Variants in SLC2A13 observed in about 807,000 individuals in gnomAD.
SLC2A13 encodes solute carrier family 2 member 13.
A neutral mutation model predicts 64.4 loss-of-function variants in SLC2A13; 32 were observed. The observed-to-expected ratio is 0.50, with a 90% CI of 0.37 to 0.67. SLC2A13 has a LOEUF of 0.67. SLC2A13 is among the 30% of genes least tolerant of loss of function. The pLI, the probability that SLC2A13 is intolerant of heterozygous loss-of-function variation, is 0.00. For missense variants in SLC2A13, 743 were observed against 829.2 expected, an observed-to-expected ratio of 0.90 and a Z score of 1.28; for synonymous variants, 338 against 327.1, an observed-to-expected ratio of 1.03 and a Z score of -0.36.
In SLC2A13 at chr12:39,951,383, G is replaced by GAAAGA. The variant is rs1946226960; in HGVS notation, c.926-19_926-18insTCTTT. 28 of 1,372,596 alleles carry GAAAGA rather than the reference G, an allele frequency of 2.0e-5. No individual in the cohort carries two copies. The highest frequency in any genetic ancestry group is 2.8e-5 in the Non-Finnish European group (28 of 1,013,594). The allele number at this position is 1,372,596 out of a possible 1,614,324, so 85.0% of individuals were successfully genotyped here. A position where few individuals can be genotyped will look rare whatever the true frequency, so the allele number is the denominator to read the frequency against. On this transcript the variant is annotated intron_variant, in intron 3 of 9. Coordinates refer to ENST00000280871, the MANE Select transcript of SLC2A13 (RefSeq NM_052885.4). ...AGGTCCAGCTTTTTTAAGAAAGAAA[G>GAAAGA]AAAAAAAAAATACAACTATTATTTT...
intron 7 of SLC2A13, among the ~76,000 whole-genome samples, chr12:39,789,833 T>C (rs1032445376): frequency 1.3e-5 from 2 of 152,184 alleles, no homozygotes; most frequent in Non-Finnish European, 2.9e-5. Flanking sequence ...GCCATTTGGG[T>C]ATCTGCTTTT....
At chr12:39,776,217 G>T (rs1036894905) in intron 7 of SLC2A13, among the ~76,000 whole-genome samples, 1 of 152,094 alleles carries the variant, frequency 6.6e-6, no homozygotes, top group African/African-American at 2.4e-5. Context: ...CCATTGTGCG[G>T]TTCCTTCATA....
chr12:40,051,458 T>C (rs1000027485), intron 1 of SLC2A13, among the ~76,000 whole-genome samples: 3 of 152,196 alleles, frequency 2.0e-5, no homozygotes, highest in East Asian at 3.9e-4. Context: ...ACTTTGGAGA[T>C]AGTGCTGTAG....
intron 7 of SLC2A13, among the ~76,000 whole-genome samples, chr12:39,793,002 G>A (rs1266418931): frequency 1.3e-5 from 2 of 151,988 alleles, no homozygotes; most frequent in African/African-American, 4.8e-5. Flanking sequence ...TCTATGACTG[G>A]TTAACAAAAT....
chr12:39,889,427 T>A (rs567178708), intron 4 of SLC2A13, among the ~76,000 whole-genome samples: 14 of 152,188 alleles, frequency 9.2e-5, no homozygotes, highest in Admixed American at 8.5e-4. Context: ...TACCCTATAT[T>A]TTACAACTGC....
In SLC2A13 at chr12:40,031,464, G is replaced by A. The variant is rs1187219885; in HGVS notation, c.717-2955C>T. The stretch of plus-strand genomic sequence containing the variant: ...TCTCAAACTCCTGATCTTGTGATCC[G>A]CCCACCTTGGCCTCCCAAAGTGCTG... On this transcript the variant is annotated intron_variant, in intron 2 of 9. Transcript: ENST00000280871. Among the ~76,000 whole-genome samples the A allele has an allele frequency of 2.0e-5, 3 of 152,186 alleles. No homozygotes were observed. The East Asian group carries it at 5.8e-4, about 29-fold the overall frequency.
chr12:40,024,891 C>G (rs1050581135), intron 3 of SLC2A13, among the ~76,000 whole-genome samples: 1 of 152,142 alleles, frequency 6.6e-6, no homozygotes. Context: ...GCAACTCTCC[C>G]GAGATTCATT....
At chr12:39,984,261 A>G (rs1280497814) in intron 3 of SLC2A13, among the ~76,000 whole-genome samples, 1 of 152,070 alleles carries the variant, frequency 6.6e-6, no homozygotes, top group African/African-American at 2.4e-5. Flanking sequence ...GTGCACCAGC[A>G]CAGCACATGT....
chr12:39,872,090 G>A (rs895047249), intron 4 of SLC2A13, 129 bp from the exon 5 acceptor site: 9 of 664,816 alleles, frequency 1.4e-5, no homozygotes, highest in Admixed American at 8.3e-5. Flanking sequence ...TCAAATTAAC[G>A]TGGGAATTCA....
chr12:39,906,410 T>C (rs1945283425), intron 4 of SLC2A13, among the ~76,000 whole-genome samples: 1 of 152,156 alleles, frequency 6.6e-6, no homozygotes, highest in Admixed American at 6.6e-5. Flanking sequence ...CATGCATACC[T>C]ACACACAATA....
At chr12:39,945,545 T>C (rs1946118390) in intron 4 of SLC2A13, among the ~76,000 whole-genome samples, 1 of 152,220 alleles carries the variant, frequency 6.6e-6, no homozygotes, top group African/African-American at 2.4e-5. Context: ...TTTGTTCATA[T>C]TTTCTTATTT....
At chr12:39,827,023 C>T (rs889705206) in intron 7 of SLC2A13, among the ~76,000 whole-genome samples, 2 of 147,158 alleles carry the variant, frequency 1.4e-5, no homozygotes, top group African/African-American at 5.0e-5. Context: ...AATGGTAAAA[C>T]CGCAGTTAAC....
At chr12:39,835,069 TTTAAATACA>T (rs1231532100) in intron 6 of SLC2A13, among the ~76,000 whole-genome samples, 2 of 152,102 alleles carry the variant, frequency 1.3e-5, no homozygotes, top group African/African-American at 4.8e-5. Flanking sequence ...AAACTGAGAA[TTTAAATACA>T]TTGGCACAAA....
chr12:39,866,383 A>G (rs1161791147), intron 5 of SLC2A13, among the ~76,000 whole-genome samples: 1 of 152,234 alleles, frequency 6.6e-6, no homozygotes, highest in Admixed American at 6.5e-5. Context: ...AAAGGACACA[A>G]CCTTTCCATA....
chr12:39,766,715 T>C (rs1355885343), intron 7 of SLC2A13, among the ~76,000 whole-genome samples: 1 of 152,142 alleles, frequency 6.6e-6, no homozygotes, highest in East Asian at 1.9e-4. Flanking sequence ...AATCCTTTGA[T>C]ATCATTTCAA....
chr12:39,870,907 G>GA (rs1197051314), intron 5 of SLC2A13, among the ~76,000 whole-genome samples: 1 of 152,162 alleles, frequency 6.6e-6, no homozygotes, highest in East Asian at 1.9e-4. Context: ...ATGAGTGACT[G>GA]AAACAGTTCT....
intron 4 of SLC2A13, among the ~76,000 whole-genome samples, chr12:39,944,330 T>G (rs1335631620): frequency 6.6e-6 from 1 of 152,274 alleles, no homozygotes; most frequent in East Asian, 1.9e-4. Context: ...ACTTGTTGGA[T>G]GAAATGTTCT....
intron 3 of SLC2A13, among the ~76,000 whole-genome samples, chr12:39,990,100 C>G (rs814228): frequency 0.63 from 96,030 of 152,010 alleles, 30,835 homozygotes; most frequent in Non-Finnish European, 0.7. Flanking sequence ...TTCTATTGTT[C>G]TATGTCTACT....
At chr12:39,841,680 G>A (rs1218414698) in intron 6 of SLC2A13, among the ~76,000 whole-genome samples, 1 of 151,778 alleles carries the variant, frequency 6.6e-6, no homozygotes, top group Admixed American at 6.6e-5. Context: ...CATATAATTT[G>A]TATATAATCA....
Sources: allele counts gnomAD v4.1 joint callset (sites outside exome capture counted in the v4.1 genomes callset), GRCh38; gene constraint gnomAD v4.1.1; transcripts MANE v1.5; gene names NCBI Gene and HGNC (gene_info 2026-07-23, HGNC 2026-07-21).